Variants in TSHZ1 observed in about 807,000 individuals in gnomAD.
TSHZ1 encodes teashirt homolog 1.
Under a neutral mutation model 67.1 loss-of-function variants are expected in TSHZ1, and 12 were observed. That is an observed-to-expected ratio of 0.18 (90% CI 0.11 to 0.29). TSHZ1 has a LOEUF of 0.29. Ranked by LOEUF, TSHZ1 falls within the 10% of genes least tolerant of loss-of-function variation. The pLI is 1.00. For missense variants in TSHZ1, 1,305 were observed against 1,413.9 expected (o/e 0.92, Z 1.23); for synonymous variants, 632 against 622.4 (o/e 1.02, Z -0.23).
rs1475412338 is a variant in TSHZ1 at position 75,289,134 on chromosome 18, A to C, written c.*493A>C. 1 of 167,158 alleles carries C rather than the reference A, an allele frequency of 6.0e-6. No homozygotes were observed. Among genetic ancestry groups the C allele is most frequent in the African/African-American group, 2.4e-5 (1 of 41,440 alleles). 10.4% of individuals were successfully genotyped at this position (167,158 alleles called of 1,614,324 possible). On this transcript the variant is annotated 3_prime_UTR_variant, in exon 2 of 2. Coordinates refer to ENST00000580243, the MANE Select transcript of TSHZ1 (RefSeq NM_001308210.2). ...TCATTCAGATCAAAAGCTGTGTCAG[A>C]CACAAAACTTATTTAATAATTAAAA...
chr18:75,228,118 A>AT (rs1418532075), intron 1 of TSHZ1, among the ~76,000 whole-genome samples: 4 of 152,228 alleles, frequency 2.6e-5, no homozygotes, highest in African/African-American at 9.6e-5. Flanking sequence ...GGATCCATGA[A>AT]TTTTAATGGA....
At chr18:75,229,315 G>A (rs557649079) in intron 1 of TSHZ1, among the ~76,000 whole-genome samples, 40 of 152,350 alleles carry the variant, frequency 2.6e-4, no homozygotes, top group African/African-American at 3.6e-4. Flanking sequence ...TCTGTTAAAC[G>A]AAAGTAACTT....
rs150217532 is a variant in TSHZ1 at position 75,237,791 on chromosome 18, C to CTTTTATTTATTTATTTATTT, written c.40+25875_40+25876insTTTTATTTATTTATTTATTT. Among the ~76,000 whole-genome samples, 208 of 143,568 alleles carry CTTTTATTTATTTATTTATTT rather than the reference C, an allele frequency of 1.4e-3. 3 individuals carry two copies. The highest frequency in any genetic ancestry group is 3.8e-3 in the East Asian group (19 of 5,020). The allele number at this position is 143,568 out of a possible 152,430, so 94.2% of individuals were successfully genotyped here. A position where few individuals can be genotyped will look rare whatever the true frequency, so the allele number is the denominator to read the frequency against. On this transcript the variant is annotated intron_variant, in intron 1 of 1. Transcript: ENST00000580243. Reference sequence around the variant, plus strand: ...AATTAGACTGAAGCCTTCTTTCTTTCATTTATTTATTTATTTATTTATTTA... The same window carrying CTTTTATTTATTTATTTATTT: ...AATTAGACTGAAGCCTTCTTTCTTTCTTTTATTTATTTATTTATTTATTTATTTATTTATTTATTTATTTA...
At chr18:75,282,782 A>C (rs941287867) in intron 1 of TSHZ1, 1 of 152,202 alleles carries the variant, frequency 6.6e-6, no homozygotes, top group Non-Finnish European at 1.5e-5. Flanking sequence ...CGGTATGTGG[A>C]TATGGTAGCC....
chr18:75,224,817 C>T (rs1034652125), intron 1 of TSHZ1, among the ~76,000 whole-genome samples: 7 of 152,076 alleles, frequency 4.6e-5, no homozygotes, highest in African/African-American at 1.7e-4. Flanking sequence ...TTTCATTAAT[C>T]TCTTTTTCCC....
At chr18:75,214,782 C>T (rs907865422) in intron 1 of TSHZ1, among the ~76,000 whole-genome samples, 1 of 152,128 alleles carries the variant, frequency 6.6e-6, no homozygotes, top group South Asian at 2.1e-4. Context: ...TCTTAATTAT[C>T]AAAAAAGGTA....
At position 75,287,279 on chromosome 18, in the gene TSHZ1, A is replaced by G; in HGVS notation, c.1872A>G (p.Pro624=). The change falls in exon 2 of 2, where the codon CCA becomes CCG. Residue 624 remains proline, a synonymous_variant. Coordinates refer to ENST00000580243, the MANE Select transcript of TSHZ1 (RefSeq NM_001308210.2). This position sits in a 1 kb window ranked among gnomAD's most constrained non-coding sequence, Gnocchi z 5.0. ...SAEHNALLHS[P]GSLTPPPHKS... ...AGCACAACGCCCTCCTGCACTCCCC[A>G]GGGAGCCTCACGCCCCCACCGCACA... The G allele has an allele frequency of 6.2e-7, 1 of 1,613,992 alleles. No individual in the cohort carries two copies. Among genetic ancestry groups the G allele is most frequent in the Non-Finnish European group, 8.5e-7 (1 of 1,179,980 alleles).
chr18:75,219,697 A>C (rs1356596806), intron 1 of TSHZ1, among the ~76,000 whole-genome samples: 1 of 152,244 alleles, frequency 6.6e-6, no homozygotes, highest in Non-Finnish European at 1.5e-5. Context: ...CTTCAGGAAT[A>C]TAAAAGCCTT....
chr18:75,242,248 T>TAAGCA (rs1476252481), intron 1 of TSHZ1, among the ~76,000 whole-genome samples: 2 of 152,194 alleles, frequency 1.3e-5, no homozygotes, highest in Non-Finnish European at 2.9e-5. Flanking sequence ...TCATTGATAA[T>TAAGCA]AAGCAACTCA....
chr18:75,239,845 T>C (rs1231024368), intron 1 of TSHZ1, among the ~76,000 whole-genome samples: 2 of 152,218 alleles, frequency 1.3e-5, no homozygotes, highest in African/African-American at 4.8e-5. Context: ...TGTACATTTA[T>C]GTTGGAAGCA....
chr18:75,278,223 T>C (rs777321130), intron 1 of TSHZ1, among the ~76,000 whole-genome samples: 25 of 134,778 alleles, frequency 1.9e-4, no homozygotes, highest in Non-Finnish European at 3.1e-4. Context: ...GGTGGATTAG[T>C]GGACCTTGCT....
intron 1 of TSHZ1, among the ~76,000 whole-genome samples, chr18:75,250,728 G>A (rs959022324): frequency 1.3e-5 from 2 of 152,232 alleles, no homozygotes; most frequent in African/African-American, 4.8e-5. Flanking sequence ...GGCCTTTACC[G>A]TCCGGATGGG....
In TSHZ1 at chr18:75,280,834, C is replaced by T. The variant is rs2023675888; in HGVS notation, c.41-4614C>T. 7 of 985,250 alleles carry T rather than the reference C, an allele frequency of 7.1e-6. No homozygotes were observed. In the South Asian group the frequency reaches 3.3e-4, roughly 46 times the overall value. The allele number at this position is 985,250 out of a possible 1,614,324, so 61.0% of individuals were successfully genotyped here. On this transcript the variant is annotated intron_variant, in intron 1 of 1. Coordinates refer to ENST00000580243, the MANE Select transcript of TSHZ1 (RefSeq NM_001308210.2). ...AGACAGGTAACAGCTCCAGATTCTT[C>T]CAGGAGTGGTGAATTCCGTGAGGGG... is the stretch of plus-strand genomic sequence containing the variant.
chr18:75,255,316 C>A (rs1175870525), intron 1 of TSHZ1, among the ~76,000 whole-genome samples: 1 of 152,154 alleles, frequency 6.6e-6, no homozygotes, highest in Non-Finnish European at 1.5e-5. Context: ...AGGTGGTATG[C>A]TGCTCTTCCA....
chr18:75,277,582 G>A (rs1018157431), intron 1 of TSHZ1, among the ~76,000 whole-genome samples: 4 of 152,102 alleles, frequency 2.6e-5, no homozygotes, highest in African/African-American at 4.8e-5. Context: ...CTGTGTGTAC[G>A]TAGATGGTGT....
At chr18:75,243,525 G>T (rs569279292) in intron 1 of TSHZ1, among the ~76,000 whole-genome samples, 1 of 152,254 alleles carries the variant, frequency 6.6e-6, no homozygotes, top group African/African-American at 2.4e-5. Context: ...GGGCTGAGGG[G>T]TGGGGAAGAT....
chr18:75,275,724 G>A (rs1359757755), intron 1 of TSHZ1, among the ~76,000 whole-genome samples: 1 of 152,144 alleles, frequency 6.6e-6, no homozygotes, highest in African/African-American at 2.4e-5. Flanking sequence ...CAGACGTGGG[G>A]GTAAAAACTG....
intron 1 of TSHZ1, among the ~76,000 whole-genome samples, chr18:75,259,789 A>T (rs2023407685): frequency 1.3e-5 from 2 of 152,182 alleles, no homozygotes; most frequent in African/African-American, 4.8e-5. Flanking sequence ...CTTATTGGCA[A>T]ATGTTCAGGC....
At chr18:75,253,685 A>G (rs988613225) in intron 1 of TSHZ1, among the ~76,000 whole-genome samples, 1 of 152,278 alleles carries the variant, frequency 6.6e-6, no homozygotes, top group African/African-American at 2.4e-5. Context: ...CTTAAACACA[A>G]TGAAATAGTG....
Sources: allele counts gnomAD v4.1 joint callset (sites outside exome capture counted in the v4.1 genomes callset), GRCh38; gene constraint gnomAD v4.1.1; non-coding constraint Gnocchi (gnomAD v3.1); transcripts MANE v1.5; gene names NCBI Gene and HGNC (gene_info 2026-07-23, HGNC 2026-07-21).